The following TACR1 variants were observed in gnomAD, a reference collection of about 807,000 sequenced individuals.
TACR1 encodes tachykinin receptor 1.
TACR1 carries 25 observed loss-of-function variants against 35.8 expected under a neutral mutation model. The observed-to-expected ratio is 0.70, with a 90% CI of 0.51 to 0.98. TACR1 has a LOEUF of 0.98. Ranked by LOEUF, TACR1 falls within the 50% of genes least tolerant of loss-of-function variation. The pLI is 0.00. For missense variants in TACR1, 478 were observed against 522.9 expected, an observed-to-expected ratio of 0.91 and a Z score of 0.84; for synonymous variants, 195 against 206.7, an observed-to-expected ratio of 0.94 and a Z score of 0.48.
chr2:75,147,364 A>T (rs1674534440), intron 1 of TACR1, among the ~76,000 whole-genome samples: 1 of 152,216 alleles, frequency 6.6e-6, no homozygotes, highest in South Asian at 2.1e-4. Context: ...TAATGGGTTT[A>T]TCCCCACATT....
chr2:75,148,763 T>C (rs1674602880), intron 1 of TACR1, among the ~76,000 whole-genome samples: 1 of 152,230 alleles, frequency 6.6e-6, no homozygotes, highest in Non-Finnish European at 1.5e-5. Context: ...TGGTTGCAAT[T>C]GCTTTTGGTG....
At chr2:75,198,281 A>G (rs1483993634) in intron 1 of TACR1, among the ~76,000 whole-genome samples, 3 of 152,182 alleles carry the variant, frequency 2.0e-5, no homozygotes. Context: ...ATGAGTGGAG[A>G]AGAGATGAAG....
intron 1 of TACR1, among the ~76,000 whole-genome samples, chr2:75,194,042 A>G (rs1029761136): frequency 2.6e-5 from 4 of 152,082 alleles, no homozygotes; most frequent in Non-Finnish European, 5.9e-5. Flanking sequence ...TGCTTGTGCT[A>G]TGTGCTTTTA....
intron 2 of TACR1, among the ~76,000 whole-genome samples, chr2:75,099,731 A>G (rs1335264428): frequency 6.6e-6 from 1 of 152,112 alleles, no homozygotes; most frequent in Non-Finnish European, 1.5e-5. Context: ...CCTGCTGGCC[A>G]CTGGCTCACA....
chr2:75,086,616 A>G (rs866271328), intron 2 of TACR1, among the ~76,000 whole-genome samples: 21 of 152,204 alleles, frequency 1.4e-4, no homozygotes, highest in African/African-American at 2.9e-4. Context: ...TGCTATTTCA[A>G]TGGTCCATAT....
intron 1 of TACR1, among the ~76,000 whole-genome samples, chr2:75,197,076 T>C (rs1442294264): frequency 6.6e-6 from 1 of 152,254 alleles, no homozygotes; most frequent in Non-Finnish European, 1.5e-5. Flanking sequence ...GTACAAAAGA[T>C]AAATTTGCAA....
At chr2:75,110,272 A>T (rs560119688) in intron 2 of TACR1, among the ~76,000 whole-genome samples, 1 of 151,884 alleles carries the variant, frequency 6.6e-6, no homozygotes, top group Non-Finnish European at 1.5e-5. Context: ...ATTTTATCTC[A>T]TCTTTTTATT....
At chr2:75,139,202 T>G (rs564092284) in intron 1 of TACR1, among the ~76,000 whole-genome samples, 1 of 152,328 alleles carries the variant, frequency 6.6e-6, no homozygotes, top group South Asian at 2.1e-4. Context: ...AGACTCTTCA[T>G]AGCTATCATT....
chr2:75,086,308 G>T (rs1201675948), intron 2 of TACR1, among the ~76,000 whole-genome samples: 1 of 152,182 alleles, frequency 6.6e-6, no homozygotes. Flanking sequence ...AAAACTTCAT[G>T]CAGATTTTAT....
chr2:75,131,635 T>G (rs1050884009), intron 1 of TACR1, among the ~76,000 whole-genome samples: 2 of 152,204 alleles, frequency 1.3e-5, no homozygotes, highest in African/African-American at 4.8e-5. Context: ...TATGTACAAA[T>G]AAACTGTGGT....
intron 2 of TACR1, among the ~76,000 whole-genome samples, chr2:75,073,856 A>C (rs1672927802): frequency 6.6e-6 from 1 of 152,134 alleles, no homozygotes; most frequent in Non-Finnish European, 1.5e-5. Flanking sequence ...GGATAGGGTG[A>C]GGCATTACTT....
At chr2:75,111,371 A>G (rs966585833) in intron 2 of TACR1, among the ~76,000 whole-genome samples, 2 of 152,016 alleles carry the variant, frequency 1.3e-5, no homozygotes, top group African/African-American at 4.8e-5. Flanking sequence ...TTTCCCCAGA[A>G]TATGTTTTAT....
intron 2 of TACR1, among the ~76,000 whole-genome samples, chr2:75,069,332 A>G (rs953516750): frequency 6.6e-6 from 1 of 151,206 alleles, no homozygotes; most frequent in Non-Finnish European, 1.5e-5. Context: ...ATATCTATAT[A>G]TGTATATATT....
At chr2:75,141,736 A>G (rs1210977035) in intron 1 of TACR1, among the ~76,000 whole-genome samples, 1 of 152,214 alleles carries the variant, frequency 6.6e-6, no homozygotes, top group African/African-American at 2.4e-5. Flanking sequence ...AAGGACTTAT[A>G]TGTGCTCAAA....
At chr2:75,152,527 TC>T (rs1246025156) in intron 1 of TACR1, among the ~76,000 whole-genome samples, 33 of 152,210 alleles carry the variant, frequency 2.2e-4, no homozygotes, top group African/African-American at 8.0e-4. Context: ...GAGCTGTAAG[TC>T]CAATTAAACT....
chr2:75,091,201 C>CAAAAAAAAAA (rs1184236584), intron 2 of TACR1, among the ~76,000 whole-genome samples: 1 of 63,416 alleles, frequency 1.6e-5, no homozygotes, highest in Non-Finnish European at 3.2e-5. Flanking sequence ...CTCGTAGGTG[C>CAAAAAAAAAA]AAAAAAAAAA....
rs141132317 is a variant in TACR1 at position 75,060,234 on chromosome 2, G to T, written c.585-6479C>A. The stretch of plus-strand genomic sequence containing the variant: ...AGTGGTTACCTCTTCAAGGGGAGTG[G>T]AGACATTAAGGAGAGGCACGAGTGA... On this transcript the variant is annotated intron_variant, in intron 2 of 4. Transcript: ENST00000305249. Among the ~76,000 whole-genome samples, 1,177 of 152,286 alleles carry T rather than the reference G, an allele frequency of 7.7e-3. 13 individuals are homozygous for T. Among genetic ancestry groups the T allele is most frequent in the African/African-American group, 0.027 (1,109 of 41,536 alleles).
intron 2 of TACR1, among the ~76,000 whole-genome samples, chr2:75,061,392 G>A (rs924854217): frequency 5.9e-5 from 9 of 152,138 alleles, no homozygotes; most frequent in Non-Finnish European, 1.3e-4. Flanking sequence ...GGAAGTGGAA[G>A]CAGTAGGTGT....
chr2:75,064,640 C>T (rs1473514419), intron 2 of TACR1, among the ~76,000 whole-genome samples: 1 of 152,206 alleles, frequency 6.6e-6, no homozygotes, highest in East Asian at 1.9e-4. Flanking sequence ...ACACAGCCAG[C>T]AAGACATTTC....
Sources: gnomAD v4.1 joint callset for allele counts (sites outside exome capture counted in the v4.1 genomes callset) on GRCh38, gnomAD v4.1.1 for gene constraint, MANE v1.5 for transcripts, NCBI Gene and HGNC (gene_info 2026-07-23, HGNC 2026-07-21) for gene names.